The following BANP variants were observed in gnomAD, a reference collection of about 807,000 sequenced individuals.
The protein encoded by BANP is BTG3 associated nuclear protein, also known as protein BANP.
A neutral mutation model predicts 68.1 loss-of-function variants in BANP; 11 were observed. The observed-to-expected ratio is 0.16, with a 90% CI of 0.10 to 0.27. The LOEUF is 0.27. BANP is among the 10% of genes least tolerant of loss of function. BANP has a pLI of 1.00. For missense variants in BANP, 504 were observed against 722.7 expected, an observed-to-expected ratio of 0.70 and a Z score of 3.47; for synonymous variants, 329 against 303.2, an observed-to-expected ratio of 1.09 and a Z score of -0.88.
intron 11 of BANP, among the ~76,000 whole-genome samples, chr16:88,040,001 T>C (rs1285520791): frequency 2.0e-5 from 3 of 152,248 alleles, no homozygotes; most frequent in Non-Finnish European, 2.9e-5. Flanking sequence ...TCACCTGTTT[T>C]TGTCCGCCTT....
Position 88,073,423 on chromosome 16 carries a change from C to T in BANP, c.1521+1211C>T, listed in dbSNP as rs369927743. ...GCACGCCCTGTACTCTGCCCATGGG[C>T]GCGGTGGCCCCCGCAGAGGCGCGCC... On this transcript the variant is annotated intron_variant, in intron 13 of 13. Coordinates refer to ENST00000682872, the MANE Select transcript of BANP (RefSeq NM_001386991.1). 2.6e-5 allele frequency among the ~76,000 whole-genome samples: 4 copies of T among 151,982 alleles called. No homozygotes were observed. In the East Asian group the frequency reaches 5.8e-4, roughly 22 times the overall value.
intron 2 of BANP, chr16:87,980,710 A>G (rs2048069575): frequency 3.9e-6 from 1 of 257,566 alleles, no homozygotes; most frequent in Admixed American, 5.0e-5. Context: ...AATCATTATT[A>G]TTGATTGGGT....
rs1192934205 is a variant in BANP, at chr16:88,072,056, T to C, written c.1378-13T>C. 3.8e-6 allele frequency: 6 copies of C among 1,562,348 alleles called. No homozygotes were observed. Among genetic ancestry groups the C allele is most frequent in the Middle Eastern group, 1.7e-4 (1 of 6,002 alleles). The stretch of plus-strand genomic sequence containing the variant: ...GCCACGCCGCTGACGGGCCCCCGTG[T>C]GTCTCCCTCCAGGTGCTGCAGGGTG... On this transcript the variant is annotated splice_polypyrimidine_tract_variant and intron_variant, in intron 12 of 13. Coordinates refer to ENST00000682872, the MANE Select transcript of BANP (RefSeq NM_001386991.1).
chr16:87,967,670 G>A (rs957357511), intron 1 of BANP, among the ~76,000 whole-genome samples: 3 of 148,980 alleles, frequency 2.0e-5, no homozygotes, highest in African/African-American at 7.5e-5. Flanking sequence ...CGCCCAGGCT[G>A]GAGTGCAGTG....
At chr16:88,065,148 A>G (rs2088154585) in intron 11 of BANP, 119 bp from the exon 12 acceptor site, 2 of 565,810 alleles carry the variant, frequency 3.5e-6, no homozygotes, top group African/African-American at 1.9e-5. Context: ...AAACGACCAC[A>G]GACCCCGTGG....
intron 7 of BANP, among the ~76,000 whole-genome samples, chr16:88,023,947 G>C (rs917669747): frequency 6.6e-6 from 1 of 152,260 alleles, no homozygotes; most frequent in Non-Finnish European, 1.5e-5. Flanking sequence ...GGAAAGCAGG[G>C]ACTGAGGCCA....
At chr16:88,012,615 C>A (rs1295688927) in intron 6 of BANP, among the ~76,000 whole-genome samples, 1 of 152,214 alleles carries the variant, frequency 6.6e-6, no homozygotes, top group Non-Finnish European at 1.5e-5. Flanking sequence ...CGTGTGGAAT[C>A]CCAGGGACAG....
At position 88,075,800 on chromosome 16, in the gene BANP, G is replaced by A. The variant is rs901958477; in HGVS notation, c.1522-790G>A. Among the ~76,000 whole-genome samples the A allele has an allele frequency of 6.9e-5, 10 of 145,570 alleles. No individual in the cohort carries two copies. The East Asian group carries it at 2.1e-3, about 30-fold the overall frequency. ...CTGGCTCTGTTGCCCAGGCTGGAGT[G>A]CATTGGTGCAATCTCGACTCACTGC... On this transcript the variant is annotated intron_variant, in intron 13 of 13. Transcript: ENST00000682872.
In BANP at chr16:88,014,229, A is replaced by T. The variant is rs114199360; in HGVS notation, c.656-4199A>T. Among the ~76,000 whole-genome samples, 457 of 152,326 alleles carry T rather than the reference A, an allele frequency of 3.0e-3. 4 individuals carry two copies. The highest frequency in any genetic ancestry group is 0.011 in the African/African-American group (439 of 41,588). On this transcript the variant is annotated intron_variant, in intron 6 of 13. Transcript: ENST00000682872. ...AGGAGGAGTCACCCAGAGCTGGGGC[A>T]GCTCCGTGTGGGGTGGAGGGCACGG...
At chr16:87,950,269 G>A (rs2056687112), upstream of BANP, among the ~76,000 whole-genome samples, 1 of 152,202 alleles carries the variant, frequency 6.6e-6, no homozygotes, top group Admixed American at 6.5e-5. Context: ...TGAGGAAACA[G>A]AGGCGAGTAT....
At chr16:88,072,890 T>G (rs1032738929) in intron 13 of BANP, among the ~76,000 whole-genome samples, 1 of 152,224 alleles carries the variant, frequency 6.6e-6, no homozygotes, top group Non-Finnish European at 1.5e-5. Context: ...AGCGGGGACG[T>G]TGTCCTTGTT....
chr16:87,998,900 A>G (rs1307971067), intron 4 of BANP, among the ~76,000 whole-genome samples: 1 of 74,552 alleles, frequency 1.3e-5, no homozygotes, highest in African/African-American at 5.3e-5. Context: ...GGCTGTACTT[A>G]CCAGGCCTTC....
intron 7 of BANP, among the ~76,000 whole-genome samples, chr16:88,026,504 T>C (rs2077016745): frequency 6.6e-6 from 1 of 152,212 alleles, no homozygotes; most frequent in Admixed American, 6.5e-5. Context: ...CCCCTGTGTT[T>C]ATGAGGGGGA....
chr16:88,010,398 C>T (rs7359457), intron 6 of BANP, among the ~76,000 whole-genome samples: 142,359 of 152,284 alleles, frequency 0.93, 67,319 homozygotes, highest in East Asian at 1. Context: ...GGAATTGGTC[C>T]CATGGACTTC....
chr16:88,058,289 G>A (rs1047623087), intron 11 of BANP, among the ~76,000 whole-genome samples: 1 of 152,216 alleles, frequency 6.6e-6, no homozygotes, highest in Non-Finnish European at 1.5e-5. Flanking sequence ...TGGGAGCTTG[G>A]GATTTGTTGG....
intron 4 of BANP, among the ~76,000 whole-genome samples, chr16:88,001,933 A>G (rs11865051): frequency 0.016 from 2,473 of 150,440 alleles, 68 homozygotes; most frequent in African/African-American, 0.054. Context: ...CAAAAAAACA[A>G]AAAAAAAAAA....
intron 1 of BANP, among the ~76,000 whole-genome samples, chr16:87,967,229 T>C (rs538643252): frequency 6.9e-4 from 104 of 151,732 alleles, no homozygotes; most frequent in Middle Eastern, 3.4e-3. Flanking sequence ...GTTTTGTCTG[T>C]CTGTACTTTT....
intron 8 of BANP, among the ~76,000 whole-genome samples, chr16:88,028,103 GGCATCGCTGGGGGGATTGTTCTCCTT>G (rs2077361886): frequency 6.6e-6 from 1 of 152,258 alleles, no homozygotes; most frequent in Admixed American, 6.5e-5. Context: ...TTGCCTCTCA[GGCATCGCTGGGGGGATTGTTCTCCTT>G]GGAGAATTTT....
intron 11 of BANP, among the ~76,000 whole-genome samples, chr16:88,049,028 C>A (rs2082654647): frequency 6.6e-6 from 1 of 152,134 alleles, no homozygotes; most frequent in Non-Finnish European, 1.5e-5. Flanking sequence ...CATCAACACA[C>A]AAAAAGACTG....
Sources: gnomAD v4.1 joint callset for allele counts (sites outside exome capture counted in the v4.1 genomes callset) on GRCh38, gnomAD v4.1.1 for gene constraint, MANE v1.5 for transcripts, NCBI Gene and HGNC (gene_info 2026-07-23, HGNC 2026-07-21) for gene names.